ESYT3: variants seen among roughly 807,000 people sequenced by gnomAD.
ESYT3 encodes extended synaptotagmin-3.
A neutral mutation model predicts 111.5 loss-of-function variants in ESYT3; 101 were observed. The ratio of observed to expected loss-of-function variants is 0.91; its 90% CI spans 0.77 to 1.07. The LOEUF is 1.07. Ranked by LOEUF, ESYT3 falls within the 50% of genes least tolerant of loss-of-function variation. The pLI, the probability that ESYT3 is intolerant of heterozygous loss-of-function variation, is 0.00. For synonymous variants in ESYT3, 416 were observed against 446.8 expected (o/e 0.93, Z 0.87); for missense variants, 1,097 against 1,109.4 (o/e 0.99, Z 0.16).
intron 1 of ESYT3, among the ~76,000 whole-genome samples, chr3:138,436,724 T>TCC (rs748817453): frequency 5.3e-5 from 8 of 152,144 alleles, no homozygotes; most frequent in Non-Finnish European, 1.2e-4. Flanking sequence ...GCTTGACCTG[T>TCC]CCACACCCCT....
chr3:138,443,913 C>A (rs756984514), intron 1 of ESYT3, among the ~76,000 whole-genome samples: 1 of 152,184 alleles, frequency 6.6e-6, no homozygotes, highest in African/African-American at 2.4e-5. Context: ...CACCCCAACC[C>A]CAGACCCATC....
At chr3:138,469,072 C>T (rs775047156) in intron 14 of ESYT3, among the ~76,000 whole-genome samples, 191 bp downstream of exon 14, 1 of 152,190 alleles carries the variant, frequency 6.6e-6, no homozygotes, top group African/African-American at 2.4e-5. Flanking sequence ...CATTTGTTAT[C>T]CCTGAGTCTC....
At chr3:138,437,047 C>G (rs2030759951) in intron 1 of ESYT3, among the ~76,000 whole-genome samples, 1 of 152,074 alleles carries the variant, frequency 6.6e-6, no homozygotes, top group African/African-American at 2.4e-5. Flanking sequence ...CAACAGGGAG[C>G]TCAGCCTGAA....
chr3:138,475,073 T>C (rs2033419977), intron 20 of ESYT3, among the ~76,000 whole-genome samples: 1 of 152,204 alleles, frequency 6.6e-6, no homozygotes, highest in East Asian at 1.9e-4. Flanking sequence ...TAAGAACTAT[T>C]ATGTTCCTTC....
At chr3:138,439,385 C>T (rs1320466378) in intron 1 of ESYT3, among the ~76,000 whole-genome samples, 1 of 152,160 alleles carries the variant, frequency 6.6e-6, no homozygotes, top group Admixed American at 6.5e-5. Flanking sequence ...TTTCCTGGAG[C>T]CTGCTCCTGT....
intron 1 of ESYT3, among the ~76,000 whole-genome samples, chr3:138,451,357 C>T (rs1472751345): frequency 6.6e-6 from 1 of 152,186 alleles, no homozygotes; most frequent in East Asian, 1.9e-4. Context: ...CCACAGCACC[C>T]CACTCCTTAG....
At chr3:138,436,137 A>G (rs1439258769) in intron 1 of ESYT3, among the ~76,000 whole-genome samples, 1 of 152,220 alleles carries the variant, frequency 6.6e-6, no homozygotes, top group Non-Finnish European at 1.5e-5. Flanking sequence ...AGTTTATCTT[A>G]TAAGAGAAAT....
rs973297869 is a variant in ESYT3 at position 138,470,805 on chromosome 3, G to A, written c.1591-72G>A. On this transcript the variant is annotated intron_variant, in intron 16 of 22. Coordinates refer to ENST00000389567, the MANE Select transcript of ESYT3 (RefSeq NM_031913.5). ...GACTGAAGTAAACCCAAACTTGGCT[G>A]GGGCTCAGATACTAGTAGTGGAGTG... 7.5e-6 allele frequency: 12 copies of A among 1,603,232 alleles called. No homozygotes were observed. The African/African-American group carries it at 1.5e-4, about 20-fold the overall frequency.
rs1372855021 is a variant in ESYT3 at position 138,464,637 on chromosome 3, C to T, written c.1086+122C>T. 7 of 1,057,268 alleles carry T rather than the reference C, an allele frequency of 6.6e-6. No individual in the cohort carries two copies. The East Asian group carries it at 1.3e-4, about 19-fold the overall frequency. The allele number at this position is 1,057,268 out of a possible 1,614,324, so 65.5% of individuals were successfully genotyped here. A position where few individuals can be genotyped will look rare whatever the true frequency, so the allele number is the denominator to read the frequency against. ...CAGGCAGGTCTGTGGAATTCCTGCT[C>T]CTGTATCTACCAGGCTTCCAGACTG... On this transcript the variant is annotated intron_variant, in intron 9 of 22. Coordinates refer to ENST00000389567, the MANE Select transcript of ESYT3 (RefSeq NM_031913.5).
intron 4 of ESYT3, among the ~76,000 whole-genome samples, chr3:138,458,419 C>G (rs774005): frequency 0.76 from 116,026 of 152,196 alleles, 44,438 homozygotes; most frequent in East Asian, 0.95. Flanking sequence ...GTTGTGTGGC[C>G]CACTCAGCTG....
chr3:138,462,745 C>A (rs2032715437), intron 8 of ESYT3, among the ~76,000 whole-genome samples: 1 of 152,206 alleles, frequency 6.6e-6, no homozygotes, highest in African/African-American at 2.4e-5. Context: ...TCACTGCAGC[C>A]TCCACCTCCT....
At position 138,460,623 on chromosome 3, in the gene ESYT3, A is replaced by T. The variant is rs755901754; in HGVS notation, c.751A>T (p.Asn251Tyr). 6.2e-7 allele frequency: 1 copy of T among 1,613,960 alleles called. No homozygotes were observed. Among genetic ancestry groups the T allele is most frequent in the African/African-American group, 1.3e-5 (1 of 74,940 alleles). ...TCTGCCCCTGAAGCACCTACAGATCAACTGGACTGGCCTGACCAACCTGCT... is the reference window on the plus strand; with the variant it reads ...TCTGCCCCTGAAGCACCTACAGATCTACTGGACTGGCCTGACCAACCTGCT... ...FFLQKPHLQI[N>Y]WTGLTNLLDA... Residue 251 changes from asparagine (N) to tyrosine (Y), a missense_variant, in exon 7 of 23, where the codon AAC becomes TAC. Transcript: ENST00000389567.
intron 1 of ESYT3, among the ~76,000 whole-genome samples, chr3:138,448,507 T>C (rs2031710190): frequency 6.6e-6 from 1 of 151,948 alleles, no homozygotes; most frequent in Admixed American, 6.6e-5. Flanking sequence ...AAAATTGCCT[T>C]AGTGAAAGTA....
intron 1 of ESYT3, among the ~76,000 whole-genome samples, chr3:138,437,809 G>A (rs1294975435): frequency 6.6e-6 from 1 of 152,080 alleles, no homozygotes; most frequent in African/African-American, 2.4e-5. Context: ...GGGTGCAGGG[G>A]GATCCAGGGG....
At chr3:138,468,595 A>G (rs1005172102) in intron 12 of ESYT3, 60 bp from the exon 13 acceptor site, 1 of 1,580,546 alleles carries the variant, frequency 6.3e-7, no homozygotes, top group Non-Finnish European at 8.7e-7. Flanking sequence ...GGCTTCTCCA[A>G]AATCAGTCTT....
At chr3:138,441,988 C>T (rs2031188901) in intron 1 of ESYT3, among the ~76,000 whole-genome samples, 1 of 152,094 alleles carries the variant, frequency 6.6e-6, no homozygotes, top group African/African-American at 2.4e-5. Flanking sequence ...CCTTGGAAAT[C>T]TCAGAACAAA....
chr3:138,445,545 C>T (rs1171219062), intron 1 of ESYT3, among the ~76,000 whole-genome samples: 1 of 152,254 alleles, frequency 6.6e-6, no homozygotes, highest in African/African-American at 2.4e-5. Flanking sequence ...AAATCCTCCT[C>T]ATTCTCTGTT....
intron 3 of ESYT3, among the ~76,000 whole-genome samples, chr3:138,456,781 T>C (rs568720576): frequency 6.6e-6 from 1 of 152,322 alleles, no homozygotes; most frequent in South Asian, 2.1e-4. Flanking sequence ...GAAAATTGTC[T>C]TCCAAGAAAC....
In ESYT3 at chr3:138,472,808, A is replaced by G. The variant is rs377622800; in HGVS notation, c.2186A>G (p.Asn729Ser). 4 of 1,613,648 alleles carry G rather than the reference A, an allele frequency of 2.5e-6. No individual in the cohort carries two copies. The highest frequency in any genetic ancestry group is 1.3e-5 in the African/African-American group (1 of 74,754). The change falls in exon 18 of 23, where the codon AAC (asparagine) becomes AGC (serine). Residue 729 changes from asparagine (N) to serine (S), a missense_variant. Asn to Ser is a conservative substitution (Grantham distance 46, BLOSUM62 1). Transcript: ENST00000389567. ...CTGGCTCCCAGCATGTCCTCGCTCA[A>G]CTCCTTGGCCTCTTCTTGCTTTGAC... ...KRLAPSMSSL[N>S]SLASSCFDLA...
Sources: gnomAD v4.1 joint callset for allele counts (sites outside exome capture counted in the v4.1 genomes callset) on GRCh38, gnomAD v4.1.1 for gene constraint, MANE v1.5 for transcripts, NCBI Gene and HGNC (gene_info 2026-07-23, HGNC 2026-07-21) for gene names.